The following ITPR3 variants were observed in gnomAD, a reference collection of about 807,000 sequenced individuals.
The protein encoded by ITPR3 is inositol 1,4,5-trisphosphate-gated calcium channel ITPR3.
In ITPR3, 173 loss-of-function variants were observed where a neutral mutation model predicts 293.2. The observed-to-expected ratio is 0.59, with a 90% confidence interval of 0.52 to 0.67. ITPR3 has a LOEUF of 0.67. Ranked by LOEUF, ITPR3 falls within the 30% of genes least tolerant of loss-of-function variation. The pLI is 0.00. For synonymous variants in ITPR3, 1,295 were observed against 1,444.4 expected, an observed-to-expected ratio of 0.90 and a Z score of 2.35; for missense variants, 2,796 against 3,592.1, an observed-to-expected ratio of 0.78 and a Z score of 5.66.
Position 33,691,937 on chromosome 6 carries a change from T to A in ITPR3, c.7458+9T>A. On this transcript the variant is annotated intron_variant, in intron 54 of 57. Coordinates refer to ENST00000605930, the MANE Select transcript of ITPR3 (RefSeq NM_002224.4). The surrounding 1 kb of genome is among the most constrained non-coding windows in gnomAD (Gnocchi z 4.9). ...GCAAGCCCTCCAAAGATGTGAGCAC[T>A]CCTGCCCACTCCCAAACCTGTGGGG... 1 of 1,613,560 alleles carries A rather than the reference T, an allele frequency of 6.2e-7. No individual in the cohort carries two copies. The highest frequency in any genetic ancestry group is 2.2e-5 in the East Asian group (1 of 44,874).
chr6:33,675,964 C>A lies in ITPR3; in HGVS notation c.3282+108C>A. ...ACAGCTCAAGGGGTAACTTGGGATG[C>A]CCATTTGGGGTTTTCAGCCTTGCTG... On this transcript the variant is annotated intron_variant, in intron 25 of 57. Transcript: ENST00000605930. This position sits in a 1 kb window ranked among gnomAD's most constrained non-coding sequence, Gnocchi z 5.0. 1 of 1,324,018 alleles carries A rather than the reference C, an allele frequency of 7.6e-7. No individual in the cohort carries two copies. The highest frequency in any genetic ancestry group is 1.0e-6 in the Non-Finnish European group (1 of 994,034). 82.0% of individuals were successfully genotyped at this position (1,324,018 alleles called of 1,614,324 possible). A position where few individuals can be genotyped will look rare whatever the true frequency, so the allele number is the denominator to read the frequency against.
chr6:33,662,513 C>A lies in ITPR3; in HGVS notation c.712-15C>A. 1 of 1,570,310 alleles carries A rather than the reference C, an allele frequency of 6.4e-7. No homozygotes were observed. On this transcript the variant is annotated splice_polypyrimidine_tract_variant and intron_variant, in intron 7 of 57. Transcript: ENST00000605930. ...GGGGCCGCAGCCATCCTGAGCCACA[C>A]CCTGCTGCCTGCAGGGAGACGTGGT...
chr6:33,634,816 G>A (rs1231493553), intron 1 of ITPR3, among the ~76,000 whole-genome samples: 1 of 152,136 alleles, frequency 6.6e-6, no homozygotes, highest in Non-Finnish European at 1.5e-5. Flanking sequence ...TTTCCTGCAT[G>A]TGTGACCCAG....
At chr6:33,647,991 T>C (rs1764106378) in intron 2 of ITPR3, among the ~76,000 whole-genome samples, 1 of 152,144 alleles carries the variant, frequency 6.6e-6, no homozygotes, top group Non-Finnish European at 1.5e-5. Context: ...AAGCAACCCC[T>C]TTTAACTCTT....
At chr6:33,657,851 G>A (rs544995573) in intron 3 of ITPR3, 81 bp from the exon 4 acceptor site, 16 of 1,100,736 alleles carry the variant, frequency 1.5e-5, no homozygotes, top group Middle Eastern at 2.0e-4. Flanking sequence ...GCATGTGTGC[G>A]TGCATGTGTG....
intron 3 of ITPR3, 82 bp from the exon 4 acceptor site, chr6:33,657,850 C>T (rs556464598): frequency 1.2e-4 from 129 of 1,079,084 alleles, no homozygotes; most frequent in Non-Finnish European, 1.6e-4. Flanking sequence ...TGCATGTGTG[C>T]GTGCATGTGT....
At chr6:33,665,781 G>C (rs915234801) in intron 13 of ITPR3, 54 bp from the exon 14 acceptor site, 1 of 1,601,678 alleles carries the variant, frequency 6.2e-7, no homozygotes, top group Non-Finnish European at 8.5e-7. Context: ...CCCCAAGAGG[G>C]ACACCTGCTG....
rs978167083 is a variant in ITPR3 at position 33,691,802 on chromosome 6, G to C, written c.7332G>C (p.Glu2444Asp). The C allele has an allele frequency of 5.6e-6, 9 of 1,614,140 alleles. No individual in the cohort carries two copies. Among genetic ancestry groups the C allele is most frequent in the Non-Finnish European group, 7.6e-6 (9 of 1,179,996 alleles). The change falls in exon 54 of 58, where the codon GAG becomes GAC. Residue 2444 changes from glutamate to aspartate, a missense_variant and splice_region_variant. Physicochemically the swap from Glu to Asp is conservative, Grantham distance 45. Coordinates refer to ENST00000605930, the MANE Select transcript of ITPR3 (RefSeq NM_002224.4). This position sits in a 1 kb window ranked among gnomAD's most constrained non-coding sequence, Gnocchi z 4.9. ...SGLSVPEVLE[E>D]DRELDSTERA... ...CCTCAGCACACTCTCCGCTTGCAGA[G>C]GACAGGGAGCTGGACAGCACAGAGC...
At chr6:33,689,773 G>A (rs1001590837) in intron 50 of ITPR3, among the ~76,000 whole-genome samples, 3 of 152,218 alleles carry the variant, frequency 2.0e-5, no homozygotes, top group Admixed American at 6.5e-5. Context: ...TGCTTTGAGC[G>A]AGGAATACCT....
rs1764658853 is a variant in ITPR3 at position 33,667,997 on chromosome 6, G to C, written c.1886+33G>C. On this transcript the variant is annotated intron_variant, in intron 16 of 57. Transcript: ENST00000605930. The surrounding 1 kb of genome is among the most constrained non-coding windows in gnomAD (Gnocchi z 4.4). ...CGAACCCCCTCCCCGGCCGGCGCCT[G>C]CTCCTCCCTCCTCCCTTGCCTGGGT... The C allele has an allele frequency of 1.2e-6, 2 of 1,610,392 alleles. No homozygotes were observed.
Position 33,666,992 on chromosome 6 carries a change from G to A in ITPR3, c.1552-137G>A. 1 of 1,052,660 alleles carries A rather than the reference G, an allele frequency of 9.5e-7. No individual in the cohort carries two copies. The highest frequency in any genetic ancestry group is 1.4e-6 in the Non-Finnish European group (1 of 714,688). 65.2% of individuals were successfully genotyped at this position (1,052,660 alleles called of 1,614,324 possible). ...ATGGCTGGGCTGGGGTTGTGGTCCA[G>A]CTTAGAATCAGCTCGAAGCTGATGT... On this transcript the variant is annotated intron_variant, in intron 14 of 57. Coordinates refer to ENST00000605930, the MANE Select transcript of ITPR3 (RefSeq NM_002224.4). The surrounding 1 kb of genome is among the most constrained non-coding windows in gnomAD (Gnocchi z 5.1).
rs1402071896 is a variant in ITPR3 at position 33,672,003 on chromosome 6, A to C, written c.2729-26A>C. On this transcript the variant is annotated intron_variant, in intron 21 of 57. Coordinates refer to ENST00000605930, the MANE Select transcript of ITPR3 (RefSeq NM_002224.4). The surrounding 1 kb of genome is among the most constrained non-coding windows in gnomAD (Gnocchi z 5.0). ...GTACAGCCTCTACAACCTCCTTGGC[A>C]ACCTCCTCTGCTTCCCCCTCCACAG... The C allele has an allele frequency of 2.5e-6, 4 of 1,574,148 alleles. No individual in the cohort carries two copies. The highest frequency in any genetic ancestry group is 3.5e-6 in the Non-Finnish European group (4 of 1,158,986).
In ITPR3 at chr6:33,654,127, G is replaced by A. The variant is rs756160850; in HGVS notation, c.161-1639G>A. Among the ~76,000 whole-genome samples, 19 of 152,076 alleles carry A rather than the reference G, an allele frequency of 1.2e-4. No individual in the cohort carries two copies. The highest frequency in any genetic ancestry group is 2.6e-4 in the Non-Finnish European group (18 of 68,002). On this transcript the variant is annotated intron_variant, in intron 2 of 57. Transcript: ENST00000605930. The surrounding 1 kb of genome is among the most constrained non-coding windows in gnomAD (Gnocchi z 4.1). ...TACTAAAAATACAAAAATTAGCCAG[G>A]CATGGTGGTGCATGCCTGTAATCCC...
chr6:33,669,741 T>C (rs1764707930), intron 18 of ITPR3, among the ~76,000 whole-genome samples: 1 of 152,234 alleles, frequency 6.6e-6, no homozygotes, highest in Non-Finnish European at 1.5e-5. Flanking sequence ...TAGTTACTCC[T>C]GTTGTAAAGC....
At chr6:33,695,667 T>C in intron 57 of ITPR3, 45 bp from the exon 58 acceptor site, 4 of 1,593,608 alleles carry the variant, frequency 2.5e-6, no homozygotes, top group Non-Finnish European at 3.4e-6. Flanking sequence ...GGAGGGAAGG[T>C]GCCAGGCGGC....
rs1166314836 is a variant in ITPR3 at position 33,687,290 on chromosome 6, G to A, written c.6140G>A (p.Arg2047His). The change falls in exon 45 of 58, where the codon CGT becomes CAT. Residue 2047 changes from arginine (R) to histidine (H), a missense_variant. By Grantham distance (29) the Arg-to-His change is conservative (BLOSUM62 0). This residue lies in a region of ITPR3 where 704 missense variants were observed against 797.5 expected (regional missense o/e 0.88). Transcript: ENST00000605930. This position sits in a 1 kb window ranked among gnomAD's most constrained non-coding sequence, Gnocchi z 5.3. Reference protein sequence around the residue: ...EERENSEVSPREVGHNIYILA... With the variant: ...EERENSEVSPHEVGHNIYILA... ...CGTGAGAACTCGGAGGTGAGCCCAC[G>A]TGAAGTGGGCCATAACATCTATATC... 10 of 1,612,858 alleles carry A rather than the reference G, an allele frequency of 6.2e-6. No homozygotes were observed. The highest frequency in any genetic ancestry group is 1.3e-5 in the African/African-American group (1 of 74,922).
intron 7 of ITPR3, among the ~76,000 whole-genome samples, chr6:33,662,016 A>AAAAAC: frequency 6.8e-6 from 1 of 147,454 alleles, no homozygotes; most frequent in South Asian, 2.1e-4. Flanking sequence ...AAAAAAAAAA[A>AAAAAC]AGACAGGATC....
chr6:33,637,900 C>G (rs139382195), intron 1 of ITPR3, among the ~76,000 whole-genome samples: 4 of 151,802 alleles, frequency 2.6e-5, no homozygotes, highest in Non-Finnish European at 5.9e-5. Flanking sequence ...TAGCCTGCCT[C>G]GGCCTCCCAA....
Position 33,621,699 on chromosome 6 carries a change from A to T in ITPR3, c.89+8A>T, listed in dbSNP as rs1708970872. 2 of 1,597,436 alleles carry T rather than the reference A, an allele frequency of 1.3e-6. No homozygotes were observed. Among genetic ancestry groups the T allele is most frequent in the African/African-American group, 1.3e-5 (1 of 74,558 alleles). Reference sequence around the variant, plus strand: ...CTTCATCAGCACTTTGGGGTGAGTGAGCCGAGCTCGAGAGGGGCGCGGGTA... The same window carrying T: ...CTTCATCAGCACTTTGGGGTGAGTGTGCCGAGCTCGAGAGGGGCGCGGGTA... On this transcript the variant is annotated splice_region_variant and intron_variant, in intron 1 of 57. Coordinates refer to ENST00000605930, the MANE Select transcript of ITPR3 (RefSeq NM_002224.4). This position sits in a 1 kb window ranked among gnomAD's most constrained non-coding sequence, Gnocchi z 7.7.
Sources: gnomAD v4.1 joint callset for allele counts (sites outside exome capture counted in the v4.1 genomes callset) on GRCh38, gnomAD v4.1.1 for gene constraint, gnomAD v4.1.1 regional missense constraint, Gnocchi (gnomAD v3.1) non-coding constraint, MANE v1.5 for transcripts, NCBI Gene and HGNC (gene_info 2026-07-23, HGNC 2026-07-21) for gene names.